SPTLC3: variants seen among roughly 807,000 people sequenced by gnomAD.
SPTLC3 encodes serine palmitoyltransferase long chain base subunit 3, also known as serine palmitoyltransferase 3.
Under a neutral mutation model 59.3 loss-of-function variants are expected in SPTLC3, and 36 were observed. The observed-to-expected ratio is 0.61, with a 90% confidence interval of 0.47 to 0.80. The LOEUF (loss-of-function observed/expected upper bound fraction) is 0.80, where lower values mean the gene tolerates loss of function less well. Ranked by LOEUF, SPTLC3 falls within the 30% of genes least tolerant of loss-of-function variation. The pLI, the probability that SPTLC3 is intolerant of heterozygous loss-of-function variation, is 0.00. For missense variants in SPTLC3, 625 were observed against 685.1 expected (o/e 0.91, Z 0.98); for synonymous variants, 257 against 240.8 (o/e 1.07, Z -0.62).
chr20:13,032,701 A>G (rs1986550797), intron 1 of SPTLC3, among the ~76,000 whole-genome samples: 1 of 152,034 alleles, frequency 6.6e-6, no homozygotes, highest in African/African-American at 2.4e-5. Context: ...TGGGGACTCA[A>G]TTTAGACCCC....
chr20:13,111,438 G>T (rs1310129728), intron 7 of SPTLC3, among the ~76,000 whole-genome samples: 3 of 152,198 alleles, frequency 2.0e-5, no homozygotes, highest in African/African-American at 7.2e-5. Flanking sequence ...AGAGGCCAGG[G>T]ATGCTGCCAA....
At chr20:13,110,736 G>T (rs1600295728) in intron 7 of SPTLC3, among the ~76,000 whole-genome samples, 1 of 152,274 alleles carries the variant, frequency 6.6e-6, no homozygotes, top group African/African-American at 2.4e-5. Flanking sequence ...TTGTTCCAGA[G>T]CCAGCGGGTA....
chr20:13,018,737 T>G (rs1301305979), intron 1 of SPTLC3, among the ~76,000 whole-genome samples: 1 of 152,224 alleles, frequency 6.6e-6, no homozygotes, highest in African/African-American at 2.4e-5. Context: ...GATATTAACC[T>G]AATTAATTGC....
intron 2 of SPTLC3, among the ~76,000 whole-genome samples, chr20:13,067,964 G>C (rs1008933959): frequency 6.6e-6 from 1 of 152,172 alleles, no homozygotes; most frequent in African/African-American, 2.4e-5. Context: ...ATGAGCTATG[G>C]ATATGCTCTT....
chr20:13,046,917 T>G (rs1280124023), intron 1 of SPTLC3, among the ~76,000 whole-genome samples: 1 of 152,170 alleles, frequency 6.6e-6, no homozygotes, highest in Non-Finnish European at 1.5e-5. Flanking sequence ...TATTAACCAA[T>G]GCTCTTTCAT....
intron 2 of SPTLC3, among the ~76,000 whole-genome samples, chr20:13,060,377 GTTATTTATTTATTTAT>G (rs60787251): frequency 2.1e-4 from 31 of 146,182 alleles, no homozygotes; most frequent in African/African-American, 6.1e-4. Flanking sequence ...AAGAGCTAAA[GTTATTTATTTATTTAT>G]TTATTTATTT....
chr20:13,075,737 A>G (rs243889), intron 4 of SPTLC3, among the ~76,000 whole-genome samples: 118,371 of 152,074 alleles, frequency 0.78, 46,617 homozygotes, highest in African/African-American at 0.88. Context: ...AGGAGCACAG[A>G]GTCAGTAACC....
chr20:13,085,555 G>T (rs949973451), intron 4 of SPTLC3, among the ~76,000 whole-genome samples: 1 of 152,124 alleles, frequency 6.6e-6, no homozygotes, highest in Non-Finnish European at 1.5e-5. Context: ...GGACATTCTG[G>T]ACCAAAAGTG....
At chr20:13,072,905 A>G (rs1988498916) in intron 3 of SPTLC3, among the ~76,000 whole-genome samples, 2 of 152,360 alleles carry the variant, frequency 1.3e-5, no homozygotes, top group Admixed American at 6.5e-5. Context: ...CTCTTAGGGA[A>G]AACCATTTTT....
intron 4 of SPTLC3, among the ~76,000 whole-genome samples, chr20:13,083,812 G>A (rs910346133): frequency 4.6e-5 from 7 of 152,126 alleles, no homozygotes; most frequent in Admixed American, 1.3e-4. Flanking sequence ...CCCAACATCA[G>A]GGCTGTCTCC....
rs150197227 is a variant in SPTLC3, at chr20:13,069,862, A to C, written c.304-2394A>C. ...TGGGTAAGATTCCTCATAAAACCTA[A>C]AATTATAATTCTCTTCAGAGTCCAG... On this transcript the variant is annotated intron_variant, in intron 2 of 11. Coordinates refer to ENST00000399002, the MANE Select transcript of SPTLC3 (RefSeq NM_018327.4). 5.4e-3 allele frequency among the ~76,000 whole-genome samples: 815 copies of C among 152,318 alleles called. 2 individuals carry two copies. The highest frequency in any genetic ancestry group is 9.7e-3 in the Non-Finnish European group (660 of 68,018).
At chr20:13,148,034 T>C (rs1412839014) in intron 9 of SPTLC3, among the ~76,000 whole-genome samples, 1 of 152,142 alleles carries the variant, frequency 6.6e-6, no homozygotes, top group East Asian at 1.9e-4. Context: ...ATGCATTCTC[T>C]TTTTTTGCAT....
At chr20:13,048,209 A>G (rs1363188211) in intron 1 of SPTLC3, among the ~76,000 whole-genome samples, 10 of 149,852 alleles carry the variant, frequency 6.7e-5, no homozygotes, top group Non-Finnish European at 1.5e-4. Context: ...CTACAAATAC[A>G]TATGGTCCAC....
rs1041545965 is a variant in SPTLC3, at chr20:13,024,012, A to T, written c.117+14628A>T. 3.3e-5 allele frequency among the ~76,000 whole-genome samples: 5 copies of T among 152,158 alleles called. No homozygotes were observed. The East Asian group carries it at 9.6e-4, about 29-fold the overall frequency. ...GTAAATGCGATCTGTTTTCCTATGA[A>T]TGACCCATATATGAGACGACTTTTA... is the stretch of plus-strand genomic sequence containing the variant. On this transcript the variant is annotated intron_variant, in intron 1 of 11. Coordinates refer to ENST00000399002, the MANE Select transcript of SPTLC3 (RefSeq NM_018327.4).
At chr20:13,149,923 C>T (rs746194447) in intron 9 of SPTLC3, among the ~76,000 whole-genome samples, 10 of 152,170 alleles carry the variant, frequency 6.6e-5, no homozygotes, top group African/African-American at 1.9e-4. Context: ...CAGGCACTTC[C>T]AGGCCAGGAA....
chr20:13,145,923 T>C (rs76366687), intron 9 of SPTLC3, among the ~76,000 whole-genome samples: 2,832 of 152,266 alleles, frequency 0.019, 53 homozygotes, highest in South Asian at 0.03. Context: ...ATCAGCATCA[T>C]TTATTAAATA....
At chr20:13,018,031 G>A (rs1379318526) in intron 1 of SPTLC3, among the ~76,000 whole-genome samples, 1 of 152,172 alleles carries the variant, frequency 6.6e-6, no homozygotes, top group African/African-American at 2.4e-5. Context: ...CTGAGATGCA[G>A]TACCAACTTC....
intron 8 of SPTLC3, among the ~76,000 whole-genome samples, chr20:13,123,700 C>A (rs951955496): frequency 6.6e-6 from 1 of 152,176 alleles, no homozygotes; most frequent in African/African-American, 2.4e-5. Context: ...AAGATGCCAT[C>A]CTTATTCCTA....
intron 1 of SPTLC3, among the ~76,000 whole-genome samples, chr20:13,027,279 G>A (rs1412098994): frequency 6.6e-6 from 1 of 152,104 alleles, no homozygotes; most frequent in Non-Finnish European, 1.5e-5. Context: ...CAACTACAAT[G>A]ATCCTTACGT....
Sources: gnomAD v4.1 joint callset for allele counts (sites outside exome capture counted in the v4.1 genomes callset) on GRCh38, gnomAD v4.1.1 for gene constraint, MANE v1.5 for transcripts, NCBI Gene and HGNC (gene_info 2026-07-23, HGNC 2026-07-21) for gene names.